Variants in ATP2B4 observed in about 807,000 individuals in gnomAD.
ATP2B4 encodes plasma membrane calcium-transporting ATPase 4.
A neutral mutation model predicts 110.3 loss-of-function variants in ATP2B4; 39 were observed. The ratio of observed to expected loss-of-function variants is 0.35; its 90% confidence interval spans 0.27 to 0.46. ATP2B4 has a LOEUF of 0.46. Ranked by LOEUF, ATP2B4 falls within the 20% of genes least tolerant of loss-of-function variation. ATP2B4 has a pLI of 1.00. For missense variants in ATP2B4, 1,135 were observed against 1,530.9 expected, an observed-to-expected ratio of 0.74 and a Z score of 4.32; for synonymous variants, 538 against 571.7, an observed-to-expected ratio of 0.94 and a Z score of 0.84.
chr1:203,714,135 C>T (rs937699018), intron 14 of ATP2B4, 36 bp from the exon 15 acceptor site: 7 of 1,592,852 alleles, frequency 4.4e-6, no homozygotes, highest in Non-Finnish European at 6.0e-6. Flanking sequence ...TGGGGGAGAC[C>T]AGAAAAGCTC....
intron 1 of ATP2B4, among the ~76,000 whole-genome samples, chr1:203,667,532 G>A (rs4297354): frequency 0.38 from 57,615 of 152,018 alleles, 13,716 homozygotes; most frequent in Non-Finnish European, 0.53. Context: ...CTATCTTTTC[G>A]CTTACACCAA....
intron 18 of ATP2B4, among the ~76,000 whole-genome samples, chr1:203,723,420 A>ATATATCTCTCTC (rs1553251094): frequency 1.8e-4 from 8 of 44,574 alleles, no homozygotes; most frequent in African/African-American, 7.6e-4. Flanking sequence ...TGAGACAGAT[A>ATATATCTCTCTC]TCTCTCTCTC....
rs1666147963 is a variant in ATP2B4 at position 203,715,937 on chromosome 1, C to A, written c.2406+1660C>A. ...CCCATAGAATGCAGATTCACCCACT[C>A]AGGCCCCACCCCAGATTTACTGAAT... On this transcript the variant is annotated intron_variant, in intron 15 of 20. Transcript: ENST00000357681. Among the ~76,000 whole-genome samples the A allele has an allele frequency of 2.8e-5, 4 of 144,658 alleles. 1 individual carries two copies. In the South Asian group the frequency reaches 9.6e-4, roughly 35 times the overall value. The allele number at this position is 144,658 out of a possible 152,430, so 94.9% of individuals were successfully genotyped here. A position where few individuals can be genotyped will look rare whatever the true frequency, so the allele number is the denominator to read the frequency against.
intron 1 of ATP2B4, among the ~76,000 whole-genome samples, chr1:203,652,906 A>G (rs1265167235): frequency 6.6e-6 from 1 of 152,216 alleles, no homozygotes; most frequent in African/African-American, 2.4e-5. Flanking sequence ...TAACCCTACA[A>G]TGGCCTCTAA....
At chr1:203,714,743 AT>A (rs35368119) in intron 15 of ATP2B4, among the ~76,000 whole-genome samples, 4 of 151,550 alleles carry the variant, frequency 2.6e-5, no homozygotes, top group Non-Finnish European at 5.9e-5. Context: ...GAATACCAGA[AT>A]TTTTTTTTAA....
chr1:203,637,778 A>G (rs1186913207), intron 1 of ATP2B4, among the ~76,000 whole-genome samples: 1 of 152,226 alleles, frequency 6.6e-6, no homozygotes, highest in Admixed American at 6.5e-5. Context: ...AGAGGAATGT[A>G]TCATCCATCT....
At chr1:203,692,870 G>A (rs184722705) in intron 2 of ATP2B4, among the ~76,000 whole-genome samples, 8 of 152,270 alleles carry the variant, frequency 5.3e-5, no homozygotes, top group Admixed American at 2.6e-4. Context: ...GGCAGGGGCC[G>A]TGCACCTCCC....
In ATP2B4 at chr1:203,707,199, C is replaced by A. The variant is rs747220949; in HGVS notation, c.1290C>A (p.Thr430=). The change falls in exon 9 of 21, where the codon ACC becomes ACA. Residue 430 remains threonine, a synonymous_variant. Transcript: ENST00000357681. Reference sequence around the variant, plus strand: ...CAGAGGGGCTGCCTCTGGCTGTCACCATCTCACTGGCCTACTCTGTGAAGG... The same window carrying A: ...CAGAGGGGCTGCCTCTGGCTGTCACAATCTCACTGGCCTACTCTGTGAAGG... ...AVPEGLPLAV[T]ISLAYSVKKM... 2 of 1,613,924 alleles carry A rather than the reference C, an allele frequency of 1.2e-6. No homozygotes were observed. Among genetic ancestry groups the A allele is most frequent in the East Asian group, 2.2e-5 (1 of 44,888 alleles).
In ATP2B4 at chr1:203,684,635, A is replaced by C. The variant is rs549861177; in HGVS notation, c.193+1237A>C. ...GGCCTCCCAAAGTGTTGGGATGAGGAGGCTTACAGGCATAAGCCACCACGC... is the reference window on the plus strand; with the variant it reads ...GGCCTCCCAAAGTGTTGGGATGAGGCGGCTTACAGGCATAAGCCACCACGC... On this transcript the variant is annotated intron_variant, in intron 2 of 20. Transcript: ENST00000357681. Among the ~76,000 whole-genome samples the C allele has an allele frequency of 4.0e-5, 6 of 151,650 alleles. No homozygotes were observed. The South Asian group carries it at 1.3e-3, about 32-fold the overall frequency.
At chr1:203,657,864 C>A (rs1402681748) in intron 1 of ATP2B4, 2 of 351,070 alleles carry the variant, frequency 5.7e-6, no homozygotes, top group South Asian at 4.2e-5. Context: ...AAAGGGTCAC[C>A]CTTTTTTAAA....
At chr1:203,630,736 C>G (rs1195331726) in intron 1 of ATP2B4, among the ~76,000 whole-genome samples, 3 of 152,176 alleles carry the variant, frequency 2.0e-5, no homozygotes, top group Non-Finnish European at 2.9e-5. Context: ...AGCATTGATT[C>G]CTGTCATCCC....
intron 1 of ATP2B4, among the ~76,000 whole-genome samples, chr1:203,632,681 T>C (rs1663307632): frequency 6.7e-6 from 1 of 149,270 alleles, no homozygotes; most frequent in African/African-American, 2.5e-5. Flanking sequence ...CCTGATTCTA[T>C]ATTCATATTT....
intron 1 of ATP2B4, among the ~76,000 whole-genome samples, chr1:203,639,309 A>G (rs1038208701): frequency 7.9e-5 from 12 of 152,192 alleles, no homozygotes; most frequent in African/African-American, 2.9e-4. Context: ...TTATTTATCC[A>G]ACAAACATGA....
intron 1 of ATP2B4, among the ~76,000 whole-genome samples, chr1:203,677,509 C>T (rs1004584124): frequency 7.2e-5 from 11 of 152,296 alleles, no homozygotes; most frequent in Non-Finnish European, 1.0e-4. Flanking sequence ...GTCACCCAGG[C>T]GGGAGTGCAG....
intron 1 of ATP2B4, among the ~76,000 whole-genome samples, chr1:203,634,254 C>T (rs1044939365): frequency 6.6e-6 from 1 of 152,176 alleles, no homozygotes; most frequent in Non-Finnish European, 1.5e-5. Flanking sequence ...ACATGCATTA[C>T]ATTAACTATA....
At chr1:203,655,482 C>A (rs1361948875) in intron 1 of ATP2B4, among the ~76,000 whole-genome samples, 1 of 151,978 alleles carries the variant, frequency 6.6e-6, no homozygotes, top group Non-Finnish European at 1.5e-5. Context: ...CCTGTCTCTG[C>A]TAAAAATACA....
At chr1:203,634,145 C>T (rs555415020) in intron 1 of ATP2B4, among the ~76,000 whole-genome samples, 5 of 152,226 alleles carry the variant, frequency 3.3e-5, no homozygotes, top group South Asian at 2.1e-4. Context: ...GCATACATTA[C>T]GGAACGATTA....
At chr1:203,654,352 T>C (rs976236411) in intron 1 of ATP2B4, among the ~76,000 whole-genome samples, 1 of 152,186 alleles carries the variant, frequency 6.6e-6, no homozygotes, top group Admixed American at 6.5e-5. Flanking sequence ...TCATTGACAA[T>C]GTACCTGGTC....
intron 19 of ATP2B4, among the ~76,000 whole-genome samples, chr1:203,726,093 G>T (rs932492018): frequency 8.7e-4 from 131 of 150,016 alleles, no homozygotes; most frequent in East Asian, 2.2e-3. Flanking sequence ...AAAAAAATTG[G>T]CCGGGCATGG....
Sources: gnomAD v4.1 joint callset for allele counts (sites outside exome capture counted in the v4.1 genomes callset) on GRCh38, gnomAD v4.1.1 for gene constraint, MANE v1.5 for transcripts, NCBI Gene and HGNC (gene_info 2026-07-23, HGNC 2026-07-21) for gene names.